Variants in MIR2052HG observed in about 807,000 individuals in gnomAD.
The protein encoded by MIR2052HG is MIR2052 host gene.
At chr8:74,684,248 T>C (rs1301304442) in intron 2 of MIR2052HG, among the ~76,000 whole-genome samples, 1 of 129,612 alleles carries the variant, frequency 7.7e-6, no homozygotes, top group East Asian at 2.4e-4. Context: ...GTAGATCTGC[T>C]GGTCTGGGCT....
At chr8:74,703,678 CA>C (rs1341637359) in exon 4 of MIR2052HG, 14 of 451,278 alleles carry the variant, frequency 3.1e-5, no homozygotes, top group African/African-American at 1.4e-4. Flanking sequence ...TCTTTTTCAT[CA>C]GGGGTGAGTA....
At chr8:74,687,049 A>G (rs888907186) in intron 2 of MIR2052HG, among the ~76,000 whole-genome samples, 1 of 152,184 alleles carries the variant, frequency 6.6e-6, no homozygotes, top group Non-Finnish European at 1.5e-5. Context: ...ACTTGAGCAG[A>G]TATTAATCCA....
chr8:74,680,249 G>A (rs967666152), intron 2 of MIR2052HG, among the ~76,000 whole-genome samples: 2 of 151,998 alleles, frequency 1.3e-5, no homozygotes, highest in Non-Finnish European at 2.9e-5. Context: ...AGGCTTTTGT[G>A]GAGACAGTTA....
At chr8:74,652,168 C>A (rs1469020238) in intron 2 of MIR2052HG, among the ~76,000 whole-genome samples, 7 of 152,160 alleles carry the variant, frequency 4.6e-5, no homozygotes, top group Non-Finnish European at 7.4e-5. Flanking sequence ...AGACTGTCTC[C>A]TGCACTGGAT....
At chr8:74,693,696 C>T (rs2128740147) in intron 2 of MIR2052HG, among the ~76,000 whole-genome samples, 1 of 152,090 alleles carries the variant, frequency 6.6e-6, no homozygotes, top group East Asian at 1.9e-4. Context: ...GCCAGCTTTT[C>T]CCCACTTCCC....
chr8:74,636,719 G>A (rs1808585557), intron 2 of MIR2052HG, among the ~76,000 whole-genome samples: 1 of 152,022 alleles, frequency 6.6e-6, no homozygotes, highest in African/African-American at 2.4e-5. Context: ...TTGGCACACT[G>A]AGAGCAGCAC....
intron 2 of MIR2052HG, among the ~76,000 whole-genome samples, chr8:74,615,500 C>T (rs919302207): frequency 1.3e-5 from 2 of 152,104 alleles, no homozygotes; most frequent in Non-Finnish European, 2.9e-5. Flanking sequence ...TTACTGTATC[C>T]ACTCTTCAAA....
At chr8:74,715,613 TA>T (rs199672997) in intron 4 of MIR2052HG, among the ~76,000 whole-genome samples, 4 of 151,794 alleles carry the variant, frequency 2.6e-5, no homozygotes, top group African/African-American at 7.2e-5. Flanking sequence ...ACAAATAGAT[TA>T]AAAAAAAATT....
At chr8:74,625,059 T>C (rs1311344911) in intron 2 of MIR2052HG, among the ~76,000 whole-genome samples, 1 of 152,048 alleles carries the variant, frequency 6.6e-6, no homozygotes, top group Admixed American at 6.6e-5. Flanking sequence ...TTATGGAACC[T>C]GAATACCTTT....
intron 4 of MIR2052HG, among the ~76,000 whole-genome samples, chr8:74,706,277 A>G (rs73687252): frequency 0.012 from 1,756 of 152,214 alleles, 40 homozygotes; most frequent in African/African-American, 0.039. Context: ...ACTTCTGAGA[A>G]CATTAGCAGT....
At chr8:74,720,610 G>A (rs948476698) in intron 4 of MIR2052HG, among the ~76,000 whole-genome samples, 1 of 151,982 alleles carries the variant, frequency 6.6e-6, no homozygotes, top group Non-Finnish European at 1.5e-5. Flanking sequence ...GTTCACTTTT[G>A]TAGAAATATT....
chr8:74,681,597 G>T (rs929859288), intron 2 of MIR2052HG, among the ~76,000 whole-genome samples: 13 of 152,058 alleles, frequency 8.5e-5, no homozygotes, highest in African/African-American at 2.2e-4. Flanking sequence ...TTAAGGCTCT[G>T]CCCTAATTCA....
chr8:74,736,826 A>T (rs1809748698), intron 4 of MIR2052HG, among the ~76,000 whole-genome samples: 1 of 152,178 alleles, frequency 6.6e-6, no homozygotes, highest in South Asian at 2.1e-4. Context: ...CTCAGGCCTG[A>T]CCACTGTCAG....
chr8:74,645,172 A>G (rs926831269), intron 2 of MIR2052HG, among the ~76,000 whole-genome samples: 13 of 152,216 alleles, frequency 8.5e-5, no homozygotes, highest in African/African-American at 3.1e-4. Context: ...AAGATATCAA[A>G]GTATAGTCAT....
At chr8:74,664,036 A>G (rs1808893743) in intron 2 of MIR2052HG, among the ~76,000 whole-genome samples, 1 of 152,174 alleles carries the variant, frequency 6.6e-6, no homozygotes, top group South Asian at 2.1e-4. Flanking sequence ...AAAACCAAAT[A>G]CTGTATGTTC....
At chr8:74,660,376 A>C (rs1157401004) in intron 2 of MIR2052HG, among the ~76,000 whole-genome samples, 1 of 152,204 alleles carries the variant, frequency 6.6e-6, no homozygotes, top group Non-Finnish European at 1.5e-5. Context: ...CTGACCACTC[A>C]AACCTATGAC....
intron 1 of MIR2052HG, among the ~76,000 whole-genome samples, chr8:74,605,208 C>A (rs1006076381): frequency 1.3e-5 from 2 of 152,126 alleles, no homozygotes; most frequent in Non-Finnish European, 2.9e-5. Context: ...CCATTACTTG[C>A]ATGCTATTTT....
At chr8:74,692,333 C>G (rs1220333678) in intron 2 of MIR2052HG, among the ~76,000 whole-genome samples, 1 of 152,190 alleles carries the variant, frequency 6.6e-6, no homozygotes, top group African/African-American at 2.4e-5. Flanking sequence ...TTCAAGTGAT[C>G]TGCCTACCTC....
intron 4 of MIR2052HG, among the ~76,000 whole-genome samples, chr8:74,745,720 A>G (rs1809878224): frequency 6.6e-6 from 1 of 152,220 alleles, no homozygotes; most frequent in Non-Finnish European, 1.5e-5. Flanking sequence ...GGCTACAGCT[A>G]TTCTGGCATT....
Sources: gnomAD v4.1 joint callset for allele counts (sites outside exome capture counted in the v4.1 genomes callset) on GRCh38, gnomAD v4.1.1 for gene constraint, MANE v1.5 for transcripts, NCBI Gene and HGNC (gene_info 2026-07-23, HGNC 2026-07-21) for gene names.